The following FLNB variants were observed in gnomAD, a reference collection of about 807,000 sequenced individuals.
FLNB encodes filamin-B.
A neutral mutation model predicts 250.6 loss-of-function variants in FLNB; 111 were observed. The ratio of observed to expected loss-of-function variants is 0.44; its 90% CI spans 0.38 to 0.52. The LOEUF (loss-of-function observed/expected upper bound fraction) is 0.52, where lower values mean the gene tolerates loss of function less well. FLNB is among the 20% of genes least tolerant of loss of function. FLNB has a pLI of 0.00. For missense variants in FLNB, 2,869 were observed against 3,447.8 expected, an observed-to-expected ratio of 0.83 and a Z score of 4.20; for synonymous variants, 1,302 against 1,372.1, an observed-to-expected ratio of 0.95 and a Z score of 1.13.
At chr3:58,079,756 C>G (rs1036046139) in intron 3 of FLNB, among the ~76,000 whole-genome samples, 6 of 152,146 alleles carry the variant, frequency 3.9e-5, no homozygotes, top group Admixed American at 6.5e-5. Flanking sequence ...TGTTTTCTTT[C>G]CAGAAACTCC....
At chr3:58,060,077 C>T (rs1030268980) in intron 1 of FLNB, among the ~76,000 whole-genome samples, 16 of 152,232 alleles carry the variant, frequency 1.1e-4, no homozygotes, top group South Asian at 4.1e-4. Flanking sequence ...GGGGTAACTG[C>T]ACAGGGCCAA....
chr3:58,125,686 G>A lies in FLNB; in HGVS notation c.4004G>A (p.Gly1335Glu). ...GCQPSRVQAQ[G>E]PGLKEAFTNK... ...CAGCCATCTAGGGTGCAAGCCCAAG[G>A]ACCTGGATTGAAAGAGGCCTTTACC... The change falls in exon 23 of 46, where the codon GGA (glycine) becomes GAA (glutamate). Residue 1335 changes from glycine to glutamate, a missense_variant. Coordinates refer to ENST00000295956, the MANE Select transcript of FLNB (RefSeq NM_001457.4). 6.2e-7 allele frequency: 1 copy of A among 1,614,190 alleles called. No individual in the cohort carries two copies. Among genetic ancestry groups the A allele is most frequent in the South Asian group, 1.1e-5 (1 of 91,086 alleles).
chr3:58,104,951 C>A, intron 10 of FLNB, 129 bp from the exon 11 acceptor site: 1 of 1,192,056 alleles, frequency 8.4e-7, no homozygotes, highest in Non-Finnish European at 1.3e-6. Context: ...AAGGGCTTGG[C>A]TGCAGTTTGG....
chr3:58,168,348 G>A, intron 43 of FLNB, 92 bp from the exon 44 acceptor site: 1 of 951,864 alleles, frequency 1.1e-6, no homozygotes, highest in Non-Finnish European at 1.7e-6. Flanking sequence ...CCCTCTGTAA[G>A]GGGATCTATG....
chr3:58,047,916 C>T (rs1403487708), intron 1 of FLNB, among the ~76,000 whole-genome samples: 1 of 152,018 alleles, frequency 6.6e-6, no homozygotes, highest in African/African-American at 2.4e-5. Context: ...GTATCATGAC[C>T]CTTCACCCCC....
In FLNB at chr3:58,138,467, A is replaced by T. The variant is rs769899141; in HGVS notation, c.5047A>T (p.Thr1683Ser). The change falls in exon 29 of 46, where the codon ACA becomes TCA. Residue 1683 changes from threonine to serine, a missense_variant. Thr to Ser is a moderately conservative substitution (Grantham distance 58). Coordinates refer to ENST00000295956, the MANE Select transcript of FLNB (RefSeq NM_001457.4). Reference sequence around the variant, plus strand: ...CTTCTACACAGCTGCCAAGCCGGGCACATATGTGATCTATGTGCGCTTCGG... The same window carrying T: ...CTTCTACACAGCTGCCAAGCCGGGCTCATATGTGATCTATGTGCGCTTCGG... ...DIFYTAAKPG[T>S]YVIYVRFGGV... 6.2e-7 allele frequency: 1 copy of T among 1,614,242 alleles called. No homozygotes were observed. The highest frequency in any genetic ancestry group is 1.7e-5 in the Admixed American group (1 of 60,034).
At position 58,132,883 on chromosome 3, in the gene FLNB, G is replaced by A. The variant is rs1230330528; in HGVS notation, c.4466G>A (p.Gly1489Glu). 1 of 1,614,112 alleles carries A rather than the reference G, an allele frequency of 6.2e-7. No homozygotes were observed. Among genetic ancestry groups the A allele is most frequent in the Non-Finnish European group, 8.5e-7 (1 of 1,179,978 alleles). ...GTAACCTACACCCCATCTCAGGAGG[G>A]ACCTTACATGGTCTCAGTTAAATAT... ...HTVTYTPSQE[G>E]PYMVSVKYAD... Residue 1489 changes from glycine to glutamate, a missense_variant, in exon 26 of 46, where the codon GGA becomes GAA. This residue lies in a region of FLNB where 126 missense variants were observed against 182.0 expected (regional missense o/e 0.69). Coordinates refer to ENST00000295956, the MANE Select transcript of FLNB (RefSeq NM_001457.4).
chr3:58,157,071 A>G (rs1242767879), intron 41 of FLNB, among the ~76,000 whole-genome samples: 1 of 152,194 alleles, frequency 6.6e-6, no homozygotes, highest in Non-Finnish European at 1.5e-5. Flanking sequence ...AGTCCATCCC[A>G]TTAGGATACC....
intron 4 of FLNB, among the ~76,000 whole-genome samples, chr3:58,089,255 AG>A (rs754779409): frequency 1.3e-5 from 2 of 152,160 alleles, no homozygotes; most frequent in African/African-American, 4.8e-5. Context: ...AGGCTTCAGT[AG>A]CCAGGCGTGG....
Position 58,077,163 on chromosome 3 carries a change from A to G in FLNB, c.410A>G (p.Lys137Arg). 3.1e-6 allele frequency: 5 copies of G among 1,614,174 alleles called. No homozygotes were observed. Among genetic ancestry groups the G allele is most frequent in the Non-Finnish European group, 4.2e-6 (5 of 1,180,020 alleles). Residue 137 changes from lysine to arginine, a missense_variant, in exon 2 of 46, where the codon AAG becomes AGG. Lys to Arg is a conservative substitution (Grantham distance 26). Transcript: ENST00000295956. ...GAGGATGAAGGGGATGATGATGCCA[A>G]GAAGCAGACGCCAAAGCAGAGGCTG... ...VWEDEGDDDA[K>R]KQTPKQRLLG...
intron 19 of FLNB, 91 bp downstream of exon 19, chr3:58,119,080 G>A: frequency 1.0e-6 from 1 of 956,758 alleles, no homozygotes; most frequent in Non-Finnish European, 1.7e-6. Context: ...AATTTGCAGA[G>A]AAGCAAATTC....
At chr3:58,033,464 CACT>C (rs1190622240) in intron 1 of FLNB, among the ~76,000 whole-genome samples, 1 of 151,872 alleles carries the variant, frequency 6.6e-6, no homozygotes, top group Non-Finnish European at 1.5e-5. Context: ...GACCTCGGCT[CACT>C]ACAACCTCCA....
In FLNB at chr3:58,159,494, T is replaced by C; in HGVS notation, c.6889-60T>C. 3.2e-6 allele frequency: 5 copies of C among 1,580,140 alleles called. 1 individual carries two copies. The highest frequency in any genetic ancestry group is 4.3e-6 in the Non-Finnish European group (5 of 1,149,578). ...CACCCACAGTTTTGGGTAGGGTCAGTGTGTGCCACTGAGCAGGAACGCCGA... is the reference window on the plus strand; with the variant it reads ...CACCCACAGTTTTGGGTAGGGTCAGCGTGTGCCACTGAGCAGGAACGCCGA... On this transcript the variant is annotated intron_variant, in intron 41 of 45. Coordinates refer to ENST00000295956, the MANE Select transcript of FLNB (RefSeq NM_001457.4).
chr3:58,061,200 CT>C (rs1422843892), intron 1 of FLNB, among the ~76,000 whole-genome samples: 1 of 152,160 alleles, frequency 6.6e-6, no homozygotes, highest in African/African-American at 2.4e-5. Flanking sequence ...AGTTTTTTGT[CT>C]TGTCAAGAGA....
intron 1 of FLNB, among the ~76,000 whole-genome samples, chr3:58,023,117 T>A (rs2097116690): frequency 6.8e-6 from 1 of 147,888 alleles, no homozygotes; most frequent in Non-Finnish European, 1.5e-5. Context: ...CGGCCTTTTT[T>A]TTTTTTTTTT....
At chr3:58,141,955 G>C in intron 30 of FLNB, 26 bp downstream of exon 30, 1 of 1,589,944 alleles carries the variant, frequency 6.3e-7, no homozygotes, top group Non-Finnish European at 8.6e-7. Flanking sequence ...TTTCCTTTTT[G>C]TGTTTCTGTG....
chr3:58,155,985 C>A lies in FLNB; in HGVS notation c.6798C>A (p.Phe2266Leu). 1 of 1,613,598 alleles carries A rather than the reference C, an allele frequency of 6.2e-7. No homozygotes were observed. Among genetic ancestry groups the A allele is most frequent in the East Asian group, 2.2e-5 (1 of 44,880 alleles). Residue 2266 changes from phenylalanine (F) to leucine (L), a missense_variant, in exon 41 of 46, where the codon TTC (phenylalanine) becomes TTA (leucine). Around this residue, in one of 5 missense-constraint regions of FLNB, gnomAD observed 1,084 missense variants for 1,315.5 expected, o/e 0.82. Coordinates refer to ENST00000295956, the MANE Select transcript of FLNB (RefSeq NM_001457.4). The part of the protein sequence containing the change: ...EPGNYEVSIK[F>L]NDEHIPESPY... ...GTAACTACGAGGTGTCCATCAAGTT[C>A]AATGATGAGCACATCCCGGAAAGCC...
chr3:58,104,796 G>A (rs1192696942), intron 10 of FLNB, among the ~76,000 whole-genome samples: 1 of 152,200 alleles, frequency 6.6e-6, no homozygotes, highest in Non-Finnish European at 1.5e-5. Context: ...GGGGAGGCCT[G>A]CACACAAAGG....
intron 4 of FLNB, among the ~76,000 whole-genome samples, chr3:58,092,098 C>G (rs543530730): frequency 2.0e-5 from 3 of 152,160 alleles, no homozygotes; most frequent in Non-Finnish European, 4.4e-5. Context: ...AAGACATAAA[C>G]AGTTTCTGCT....
Sources: allele counts gnomAD v4.1 joint callset (sites outside exome capture counted in the v4.1 genomes callset), GRCh38; gene constraint gnomAD v4.1.1; regional missense constraint gnomAD v4.1.1; transcripts MANE v1.5; gene names NCBI Gene and HGNC (gene_info 2026-07-23, HGNC 2026-07-21).